The following GOLGA5 variants were observed in gnomAD, a reference collection of about 807,000 sequenced individuals.
GOLGA5 encodes the protein golgin subfamily A member 5.
A neutral mutation model predicts 93.5 loss-of-function variants in GOLGA5; 50 were observed. That is an observed-to-expected ratio of 0.53 (90% CI 0.43 to 0.68). GOLGA5 has a LOEUF of 0.68. Ranked by LOEUF, GOLGA5 falls within the 30% of genes least tolerant of loss-of-function variation. The pLI is 0.00. For missense variants in GOLGA5, 760 were observed against 856.4 expected (o/e 0.89, Z 1.40); for synonymous variants, 312 against 304.5 (o/e 1.02, Z -0.26).
chr14:92,835,495 C>A, intron 10 of GOLGA5, 64 bp from the exon 11 acceptor site: 1 of 1,129,728 alleles, frequency 8.9e-7, no homozygotes. Flanking sequence ...CAGTGTATTT[C>A]CAATTATAAT....
Position 92,839,508 on chromosome 14 carries a change from C to T in GOLGA5, c.*62C>T. Reference sequence around the variant, plus strand: ...TCTAGACTTGGGATCTGCAAGAAGGCCAATTGCCTAAAATTTCTGAGAACA... The same window carrying T: ...TCTAGACTTGGGATCTGCAAGAAGGTCAATTGCCTAAAATTTCTGAGAACA... On this transcript the variant is annotated 3_prime_UTR_variant, in exon 13 of 13. Transcript: ENST00000163416. The T allele has an allele frequency of 1.9e-6, 2 of 1,046,042 alleles. No individual in the cohort carries two copies. The highest frequency in any genetic ancestry group is 1.3e-5 in the South Asian group (1 of 79,010). 64.8% of individuals were successfully genotyped at this position (1,046,042 alleles called of 1,614,324 possible).
At chr14:92,798,172 G>C (rs559808338) in intron 2 of GOLGA5, among the ~76,000 whole-genome samples, 191 bp downstream of exon 2, 6 of 152,282 alleles carry the variant, frequency 3.9e-5, no homozygotes, top group Admixed American at 2.0e-4. Flanking sequence ...AGTTGTAGCA[G>C]GGACTTCATG....
chr14:92,800,609 T>C (rs922961976), intron 2 of GOLGA5, among the ~76,000 whole-genome samples: 7 of 152,184 alleles, frequency 4.6e-5, no homozygotes, highest in Non-Finnish European at 1.0e-4. Context: ...GAATCGCTTG[T>C]GTGTTGTTAA....
chr14:92,809,700 TC>T (rs2140319246), intron 4 of GOLGA5, among the ~76,000 whole-genome samples, 181 bp downstream of exon 4: 1 of 152,322 alleles, frequency 6.6e-6, no homozygotes, highest in African/African-American at 2.4e-5. Flanking sequence ...AAGCCTGTAA[TC>T]CTAGCACTTT....
intron 11 of GOLGA5, among the ~76,000 whole-genome samples, chr14:92,836,144 GTA>G (rs1412489725): frequency 2.0e-5 from 3 of 151,956 alleles, no homozygotes; most frequent in Middle Eastern, 3.4e-3. Context: ...TTATGTTTAT[GTA>G]TATGTAAATT....
chr14:92,828,189 C>T (rs73329563), intron 9 of GOLGA5, among the ~76,000 whole-genome samples: 11,479 of 152,244 alleles, frequency 0.075, 1,471 homozygotes, highest in African/African-American at 0.26. Context: ...AGCTCCTTCT[C>T]CAGGAGAGGA....
chr14:92,838,693 G>A (rs1035347110), intron 12 of GOLGA5, among the ~76,000 whole-genome samples: 4 of 152,104 alleles, frequency 2.6e-5, no homozygotes, highest in Non-Finnish European at 4.4e-5. Flanking sequence ...GAAGGAAAGC[G>A]TGGGGAGTAC....
At chr14:92,817,159 T>C (rs1438114978) in intron 7 of GOLGA5, among the ~76,000 whole-genome samples, 3 of 152,036 alleles carry the variant, frequency 2.0e-5, no homozygotes, top group Non-Finnish European at 4.4e-5. Flanking sequence ...CAGGCTGGTC[T>C]TGAACTCCTG....
intron 8 of GOLGA5, among the ~76,000 whole-genome samples, chr14:92,824,238 T>C (rs548526342): frequency 6.6e-6 from 1 of 152,334 alleles, no homozygotes; most frequent in South Asian, 2.1e-4. Flanking sequence ...CTTGAAGAGA[T>C]TATCCATTCT....
intron 8 of GOLGA5, among the ~76,000 whole-genome samples, chr14:92,822,050 A>G (rs1885326834): frequency 6.6e-6 from 1 of 152,236 alleles, no homozygotes; most frequent in East Asian, 1.9e-4. Context: ...TTCCAAATGG[A>G]AAGTGTTTAA....
intron 2 of GOLGA5, 80 bp downstream of exon 2, chr14:92,798,061 C>A: frequency 2.1e-6 from 2 of 936,774 alleles, no homozygotes; most frequent in Non-Finnish European, 3.3e-6. Flanking sequence ...TGTTTCTCAT[C>A]TACTGTTATG....
At position 92,810,385 on chromosome 14, in the gene GOLGA5, T is replaced by G; in HGVS notation, c.1116+8T>G. The G allele has an allele frequency of 6.4e-7, 1 of 1,553,888 alleles. No individual in the cohort carries two copies. ...AGCTATAAACAGATGCAGGTTAGAATGAGAGACAGCAGATTCCTATTGTTA... is the reference window on the plus strand; with the variant it reads ...AGCTATAAACAGATGCAGGTTAGAAGGAGAGACAGCAGATTCCTATTGTTA... On this transcript the variant is annotated splice_region_variant and intron_variant, in intron 5 of 12. Transcript: ENST00000163416.
intron 6 of GOLGA5, among the ~76,000 whole-genome samples, chr14:92,815,419 T>C (rs534162330): frequency 1.3e-5 from 2 of 152,320 alleles, no homozygotes; most frequent in East Asian, 1.9e-4. Flanking sequence ...CTCTTTTAGT[T>C]TGTAAGGCAG....
chr14:92,838,104 T>G (rs1885684186), intron 12 of GOLGA5, among the ~76,000 whole-genome samples: 3 of 152,338 alleles, frequency 2.0e-5, no homozygotes, highest in Non-Finnish European at 4.4e-5. Flanking sequence ...TTTTCATGTG[T>G]TTTGCTTTAT....
chr14:92,839,816 T>TG lies in GOLGA5; in HGVS notation c.*370_*371insG. On this transcript the variant is annotated 3_prime_UTR_variant, in exon 13 of 13. Transcript: ENST00000163416. ...TGTATTTAGTGACAAAAATAAAAAG[T>TG]TTTTTTTTATAATTCAGTCTGCTTT... is the stretch of plus-strand genomic sequence containing the variant. 1 of 80,054 alleles carries TG rather than the reference T, an allele frequency of 1.2e-5. No homozygotes were observed. Among genetic ancestry groups the TG allele is most frequent in the Non-Finnish European group, 1.9e-5 (1 of 51,352 alleles). 5.0% of individuals were successfully genotyped at this position (80,054 alleles called of 1,614,324 possible). A position where few individuals can be genotyped will look rare whatever the true frequency, so the allele number is the denominator to read the frequency against.
chr14:92,797,433 C>A lies in GOLGA5; in HGVS notation c.-5C>A. Reference sequence around the variant, plus strand: ...GTTTGCCAATAGGATTATCCTGCTGCCATCATGTCTTGGTTTGTTGATCTT... The same window carrying A: ...GTTTGCCAATAGGATTATCCTGCTGACATCATGTCTTGGTTTGTTGATCTT... On this transcript the variant is annotated 5_prime_UTR_variant, in exon 2 of 13. Transcript: ENST00000163416. The A allele has an allele frequency of 2.5e-6, 4 of 1,596,068 alleles. No homozygotes were observed. The highest frequency in any genetic ancestry group is 2.6e-6 in the Non-Finnish European group (3 of 1,171,686).
At chr14:92,797,091 T>TA (rs1360500769) in intron 1 of GOLGA5, among the ~76,000 whole-genome samples, 1 of 150,100 alleles carries the variant, frequency 6.7e-6, no homozygotes, top group Non-Finnish European at 1.5e-5. Flanking sequence ...GAAATAATAA[T>TA]AAAAACAGTA....
At chr14:92,809,272 G>A in intron 3 of GOLGA5, 28 bp from the exon 4 acceptor site, 1 of 1,466,558 alleles carries the variant, frequency 6.8e-7, no homozygotes, top group South Asian at 1.2e-5. Flanking sequence ...GGTTTTGCTT[G>A]TATAGAGAAA....
intron 10 of GOLGA5, among the ~76,000 whole-genome samples, chr14:92,835,131 G>A (rs547374057): frequency 1.3e-5 from 2 of 152,258 alleles, no homozygotes; most frequent in Admixed American, 6.5e-5. Flanking sequence ...TGGGGTGCCC[G>A]TTAGATATCT....
Sources: allele counts gnomAD v4.1 joint callset (sites outside exome capture counted in the v4.1 genomes callset), GRCh38; gene constraint gnomAD v4.1.1; transcripts MANE v1.5; gene names NCBI Gene and HGNC (gene_info 2026-07-23, HGNC 2026-07-21).